Variants in SHISA9 observed in about 807,000 individuals in gnomAD.
The protein encoded by SHISA9 is shisa family member 9, also known as protein shisa-9.
Under a neutral mutation model 38.0 loss-of-function variants are expected in SHISA9, and 13 were observed. The observed-to-expected ratio is 0.34, with a 90% CI of 0.22 to 0.54. SHISA9 has a LOEUF of 0.54. Ranked by LOEUF, SHISA9 falls within the 20% of genes least tolerant of loss-of-function variation. SHISA9 has a pLI of 0.91. For synonymous variants in SHISA9, 275 were observed against 242.0 expected (o/e 1.14, Z -1.27); for missense variants, 538 against 575.8 (o/e 0.93, Z 0.67).
the SHISA9 span, among the ~76,000 whole-genome samples, chr16:13,560,896 C>T: frequency 6.6e-6 from 1 of 152,126 alleles, no homozygotes; most frequent in African/African-American, 2.4e-5. Context: ...CAGGGTCTCT[C>T]TCTGTCGCCC....
the SHISA9 span, among the ~76,000 whole-genome samples, chr16:13,496,955 T>C: frequency 4.6e-5 from 7 of 152,148 alleles, no homozygotes; most frequent in Admixed American, 4.6e-4. Context: ...AGTTAATTAA[T>C]GCGTTTAATT....
intron 4 of SHISA9, among the ~76,000 whole-genome samples, chr16:13,214,376 A>ATT (rs946064192): frequency 1.9e-4 from 28 of 147,790 alleles, no homozygotes; most frequent in African/African-American, 6.7e-4. Context: ...TAATTTTTGA[A>ATT]TTTTTTTTTT....
the SHISA9 span, among the ~76,000 whole-genome samples, chr16:13,364,014 C>G: frequency 6.6e-6 from 1 of 152,154 alleles, no homozygotes; most frequent in Non-Finnish European, 1.5e-5. Context: ...CAGATTTACA[C>G]CCAAGTTTGA....
At chr16:13,371,791 G>A in the SHISA9 span, among the ~76,000 whole-genome samples, 2 of 152,188 alleles carry the variant, frequency 1.3e-5, no homozygotes, top group African/African-American at 4.8e-5. Context: ...ACACATGCCT[G>A]GAAGGCAGGA....
chr16:13,367,627 C>A, the SHISA9 span, among the ~76,000 whole-genome samples: 1 of 134,460 alleles, frequency 7.4e-6, no homozygotes, highest in Non-Finnish European at 1.6e-5. Flanking sequence ...CTAATCCTAA[C>A]ACAAGGTTAA....
intron 2 of SHISA9, among the ~76,000 whole-genome samples, chr16:13,176,102 G>GT (rs144150959): frequency 0.022 from 3,367 of 151,698 alleles, 51 homozygotes; most frequent in Non-Finnish European, 0.027. Flanking sequence ...TAATTTCCGT[G>GT]TTTTTTTAAT....
the SHISA9 span, among the ~76,000 whole-genome samples, chr16:13,495,645 T>G: frequency 6.6e-6 from 1 of 151,988 alleles, no homozygotes; most frequent in Non-Finnish European, 1.5e-5. Flanking sequence ...ATTTCTGATT[T>G]TAAATATTTG....
intron 2 of SHISA9, among the ~76,000 whole-genome samples, chr16:12,978,901 C>A (rs965699116): frequency 1.3e-5 from 2 of 152,158 alleles, no homozygotes; most frequent in African/African-American, 4.8e-5. Flanking sequence ...TATGTGTTCA[C>A]CACACATTTC....
the SHISA9 span, among the ~76,000 whole-genome samples, chr16:13,368,020 A>G: frequency 6.6e-6 from 1 of 152,270 alleles, no homozygotes; most frequent in East Asian, 1.9e-4. Context: ...CTCGTCATCT[A>G]GCATTAGGTA....
chr16:13,235,511 C>A lies in SHISA9; in HGVS notation c.*102C>A. The A allele has an allele frequency of 7.5e-7, 1 of 1,332,672 alleles. No individual in the cohort carries two copies. The highest frequency in any genetic ancestry group is 1.0e-6 in the Non-Finnish European group (1 of 1,002,324). The allele number at this position is 1,332,672 out of a possible 1,614,324, so 82.6% of individuals were successfully genotyped here. The stretch of plus-strand genomic sequence containing the variant: ...CATCCTCCCCTAATACATGCGTCCA[C>A]ACACTCACTCTCAACAAGAACCAAC... On this transcript the variant is annotated 3_prime_UTR_variant, in exon 5 of 5. Transcript: ENST00000558583.
chr16:13,544,429 G>GTTTTTTTTTTTTTTTTTT, the SHISA9 span, among the ~76,000 whole-genome samples: 5 of 102,112 alleles, frequency 4.9e-5, no homozygotes, highest in Admixed American at 1.2e-4. Context: ...TTTTTTTCTT[G>GTTTTTTTTTTTTTTTTTT]TTTTTTTTTT....
chr16:13,343,161 G>A, the SHISA9 span, among the ~76,000 whole-genome samples: 9 of 151,978 alleles, frequency 5.9e-5, no homozygotes, highest in African/African-American at 1.2e-4. Flanking sequence ...TGATCTTACC[G>A]CTTAGTCAAT....
the SHISA9 span, among the ~76,000 whole-genome samples, chr16:13,373,400 C>T: frequency 2.6e-5 from 4 of 152,174 alleles, no homozygotes; most frequent in Admixed American, 6.5e-5. Context: ...AGGGAATCTC[C>T]ACTTGTTAAC....
At chr16:13,457,468 G>A in the SHISA9 span, among the ~76,000 whole-genome samples, 1 of 152,010 alleles carries the variant, frequency 6.6e-6, no homozygotes, top group African/African-American at 2.4e-5. Flanking sequence ...GACTCTCACA[G>A]CCACATGTCT....
At chr16:13,403,125 C>G in the SHISA9 span, among the ~76,000 whole-genome samples, 1 of 139,584 alleles carries the variant, frequency 7.2e-6, no homozygotes, top group Admixed American at 7.2e-5. Flanking sequence ...AAAAAAAAAA[C>G]CAAAGAAATT....
intron 2 of SHISA9, among the ~76,000 whole-genome samples, chr16:12,997,733 A>C (rs897728136): frequency 2.6e-5 from 4 of 152,012 alleles, no homozygotes; most frequent in Admixed American, 6.6e-5. Flanking sequence ...GCCCTTCATC[A>C]TCTGGACTCT....
At chr16:13,286,513 C>T in the SHISA9 span, among the ~76,000 whole-genome samples, 1 of 152,056 alleles carries the variant, frequency 6.6e-6, no homozygotes, top group East Asian at 1.9e-4. Context: ...TCTGAGTGAA[C>T]CAATTGTCTG....
the SHISA9 span, among the ~76,000 whole-genome samples, chr16:13,250,255 A>G: frequency 6.6e-6 from 1 of 152,196 alleles, no homozygotes; most frequent in African/African-American, 2.4e-5. Context: ...AGATAGGAGA[A>G]AACCATCTAC....
the SHISA9 span, among the ~76,000 whole-genome samples, chr16:13,469,320 GAGAAAGAAAGAA>G: frequency 0.029 from 1,783 of 61,248 alleles, 64 homozygotes; most frequent in South Asian, 0.073. Flanking sequence ...GAGAGAGAGA[GAGAAAGAAAGAA>G]AGAAAGAAAG....
Sources: gnomAD v4.1 joint callset for allele counts (sites outside exome capture counted in the v4.1 genomes callset) on GRCh38, gnomAD v4.1.1 for gene constraint, MANE v1.5 for transcripts, NCBI Gene and HGNC (gene_info 2026-07-23, HGNC 2026-07-21) for gene names.